PI4KA: variants seen among roughly 807,000 people sequenced by gnomAD.
The protein encoded by PI4KA is PI4-kinase alpha.
A neutral mutation model predicts 271.4 loss-of-function variants in PI4KA; 122 were observed. The observed-to-expected ratio is 0.45, with a 90% CI of 0.39 to 0.52. PI4KA has a LOEUF of 0.52. PI4KA is among the 20% of genes least tolerant of loss of function. The pLI, the probability that PI4KA is intolerant of heterozygous loss-of-function variation, is 0.00. For missense variants in PI4KA, 1,969 were observed against 2,769.1 expected, an observed-to-expected ratio of 0.71 and a Z score of 6.48; for synonymous variants, 1,041 against 1,078.8, an observed-to-expected ratio of 0.96 and a Z score of 0.69.
intron 8 of PI4KA, among the ~76,000 whole-genome samples, chr22:20,811,870 G>A (rs568027895): frequency 8.6e-5 from 13 of 151,904 alleles, no homozygotes; most frequent in South Asian, 2.1e-4. Context: ...AAACTTAGCC[G>A]GGCGTGGTGG....
At chr22:20,718,590 TG>T (rs1228114127) in intron 44 of PI4KA, 102 bp downstream of exon 44, 1 of 1,329,792 alleles carries the variant, frequency 7.5e-7, no homozygotes, top group Admixed American at 1.7e-5. Context: ...TTCATCTGGT[TG>T]GGGCCAGGCA....
At chr22:20,827,829 C>CT (rs1923624757) in intron 3 of PI4KA, among the ~76,000 whole-genome samples, 2 of 152,156 alleles carry the variant, frequency 1.3e-5, no homozygotes, top group South Asian at 4.1e-4. Flanking sequence ...GAGTCTCACT[C>CT]TGTCGCCCAG....
At chr22:20,755,685 C>T (rs987402096) in intron 23 of PI4KA, among the ~76,000 whole-genome samples, 21 of 151,856 alleles carry the variant, frequency 1.4e-4, no homozygotes, top group African/African-American at 4.8e-4. Context: ...CCTGTTAATT[C>T]CAGCTACTTG....
At chr22:20,819,398 C>A (rs972534102) in intron 6 of PI4KA, among the ~76,000 whole-genome samples, 6 of 149,838 alleles carry the variant, frequency 4.0e-5, no homozygotes, top group African/African-American at 1.5e-4. Flanking sequence ...TTTTTAGAGG[C>A]CTTTTGTGGC....
intron 19 of PI4KA, among the ~76,000 whole-genome samples, chr22:20,778,902 C>T (rs147226643): frequency 1.6e-4 from 24 of 152,278 alleles, no homozygotes; most frequent in African/African-American, 5.5e-4. Flanking sequence ...TCCCATCTGT[C>T]CCCTGACTGG....
chr22:20,846,461 A>C (rs1055848737), intron 1 of PI4KA, among the ~76,000 whole-genome samples: 3 of 152,000 alleles, frequency 2.0e-5, no homozygotes, highest in African/African-American at 7.3e-5. Context: ...CTCAATTATA[A>C]GTGGGAGCTG....
intron 1 of PI4KA, among the ~76,000 whole-genome samples, chr22:20,850,596 C>T (rs192969492): frequency 1.4e-3 from 209 of 151,900 alleles, no homozygotes; most frequent in African/African-American, 4.8e-3. Context: ...GGCCACCACG[C>T]CCAGCTAATT....
chr22:20,711,069 C>A, intron 51 of PI4KA: 1 of 586,472 alleles, frequency 1.7e-6, no homozygotes, highest in African/African-American at 2.0e-5. Context: ...AGGAGCCAAG[C>A]TGGGGCACTG....
In PI4KA at chr22:20,733,064, G is replaced by A. The variant is rs547345219; in HGVS notation, c.4195C>T (p.Arg1399Trp). ...PPKFPTQGEK[R>W]LREDISIMIK... ...ATGATGCTTATGTCTTCACGCAGCC[G>A]CTTCTCTCCTTGAGTAGGGAACTTT... Residue 1399 changes from arginine (R) to tryptophan (W), a missense_variant, in exon 36 of 55, where the codon CGG (arginine) becomes TGG (tryptophan). Arg to Trp is a moderately radical substitution (Grantham distance 101). Coordinates refer to ENST00000255882, the MANE Select transcript of PI4KA (RefSeq NM_058004.4). 7.4e-6 allele frequency: 12 copies of A among 1,611,802 alleles called. 1 individual carries two copies. The highest frequency in any genetic ancestry group is 2.7e-5 in the African/African-American group (2 of 74,958).
intron 19 of PI4KA, among the ~76,000 whole-genome samples, chr22:20,771,340 G>A (rs1461699327): frequency 1.3e-5 from 2 of 151,316 alleles, no homozygotes; most frequent in African/African-American, 2.4e-5. Flanking sequence ...GGAGAATGGC[G>A]TGAACCCAGG....
chr22:20,820,140 T>TCATCTATTCATGGCA (rs1922445927), intron 5 of PI4KA, among the ~76,000 whole-genome samples: 1 of 152,204 alleles, frequency 6.6e-6, no homozygotes, highest in African/African-American at 2.4e-5. Flanking sequence ...TGGAAGGTCT[T>TCATCTATTCATGGCA]CATCTATTCA....
In PI4KA at chr22:20,833,508, T is replaced by C. The variant is rs1028076731; in HGVS notation, c.367+1054A>G. Among the ~76,000 whole-genome samples, 5 of 152,220 alleles carry C rather than the reference T, an allele frequency of 3.3e-5. No individual in the cohort carries two copies. The East Asian group carries it at 7.7e-4, about 23-fold the overall frequency. On this transcript the variant is annotated intron_variant, in intron 3 of 54. Coordinates refer to ENST00000255882, the MANE Select transcript of PI4KA (RefSeq NM_058004.4). Reference sequence around the variant, plus strand: ...GTGTGCACATTTGCACCAATGGCAGTGGTAGCACAGAGTTAGAGCTGGTGA... The same window carrying C: ...GTGTGCACATTTGCACCAATGGCAGCGGTAGCACAGAGTTAGAGCTGGTGA...
At chr22:20,783,933 G>A (rs1250099831) in intron 19 of PI4KA, 3 of 1,613,916 alleles carry the variant, frequency 1.9e-6, no homozygotes, top group Non-Finnish European at 2.5e-6. Context: ...TTCCCTAAAG[G>A]AACCTTCTCA....
chr22:20,856,331 T>C (rs994624011), intron 1 of PI4KA, among the ~76,000 whole-genome samples: 1 of 151,882 alleles, frequency 6.6e-6, no homozygotes, highest in Non-Finnish European at 1.5e-5. Flanking sequence ...AAAAAAGTGA[T>C]TGGTAAATGT....
At chr22:20,761,413 T>C in intron 22 of PI4KA, 27 bp from the exon 23 acceptor site, 1 of 1,520,554 alleles carries the variant, frequency 6.6e-7, no homozygotes. Flanking sequence ...TTTAAATAAA[T>C]TTTGAAAAAT....
At chr22:20,741,677 C>T (rs771517184) in intron 32 of PI4KA, among the ~76,000 whole-genome samples, 1 of 152,178 alleles carries the variant, frequency 6.6e-6, no homozygotes, top group Non-Finnish European at 1.5e-5. Context: ...TTTTTGACCA[C>T]TCATTTCAAC....
At chr22:20,857,110 C>T (rs896367623) in intron 1 of PI4KA, among the ~76,000 whole-genome samples, 3 of 152,212 alleles carry the variant, frequency 2.0e-5, no homozygotes, top group Non-Finnish European at 2.9e-5. Context: ...TAGGTACCCA[C>T]GTGCCTTTTT....
intron 1 of PI4KA, among the ~76,000 whole-genome samples, chr22:20,848,797 AC>A (rs1369414266): frequency 3.3e-5 from 5 of 152,152 alleles, no homozygotes; most frequent in African/African-American, 7.2e-5. Flanking sequence ...TAGATACAAC[AC>A]AAAAAGCACA....
chr22:20,718,797 C>A lies in PI4KA; in HGVS notation c.5142G>T (p.Gln1714His). Residue 1714 changes from glutamine to histidine, a missense_variant, in exon 44 of 55, where the codon CAG becomes CAT. By Grantham distance (24) the Gln-to-His change is conservative. This residue lies in a region of PI4KA where 388 missense variants were observed against 521.5 expected (regional missense o/e 0.74). Transcript: ENST00000255882. ...KDPDIGDLLD[Q>H]LVEEITGSLS... ...AGGAGCCTGTGATCTCCTCTACCAA[C>A]TGATCCAGGAGGTCGCCGATGTCAG... is the stretch of plus-strand genomic sequence containing the variant. 1 of 1,614,044 alleles carries A rather than the reference C, an allele frequency of 6.2e-7. No homozygotes were observed. The highest frequency in any genetic ancestry group is 8.5e-7 in the Non-Finnish European group (1 of 1,179,984).
Sources: allele counts gnomAD v4.1 joint callset (sites outside exome capture counted in the v4.1 genomes callset), GRCh38; gene constraint gnomAD v4.1.1; regional missense constraint gnomAD v4.1.1; transcripts MANE v1.5; gene names NCBI Gene and HGNC (gene_info 2026-07-23, HGNC 2026-07-21).